Variants in AFG2A observed in about 807,000 individuals in gnomAD.
The protein encoded by AFG2A is AAA ATPase AFG2A.
chr4:122,937,772 A>G, the AFG2A span, among the ~76,000 whole-genome samples: 1 of 152,168 alleles, frequency 6.6e-6, no homozygotes, highest in African/African-American at 2.4e-5. Context: ...TTTGGTTTCA[A>G]ACCTGCTCCA....
the AFG2A span, among the ~76,000 whole-genome samples, chr4:123,051,365 A>G: frequency 6.6e-6 from 1 of 152,042 alleles, no homozygotes; most frequent in East Asian, 1.9e-4. Context: ...TAAGAAACAA[A>G]TGAAAAGAAA....
At chr4:123,093,445 T>C in the AFG2A span, among the ~76,000 whole-genome samples, 5 of 152,322 alleles carry the variant, frequency 3.3e-5, no homozygotes, top group South Asian at 4.1e-4. Context: ...ATGGTTCTGG[T>C]GGCAGTGTCT....
chr4:123,043,313 G>C, the AFG2A span, among the ~76,000 whole-genome samples: 1 of 152,030 alleles, frequency 6.6e-6, no homozygotes, highest in Non-Finnish European at 1.5e-5. Flanking sequence ...TTAGTAATTT[G>C]ATAATGATGC....
chr4:123,253,626 G>A, the AFG2A span, among the ~76,000 whole-genome samples: 3 of 152,056 alleles, frequency 2.0e-5, no homozygotes, highest in Non-Finnish European at 4.4e-5. Flanking sequence ...CTCTAGCCTG[G>A]GTGACAGAGT....
the AFG2A span, among the ~76,000 whole-genome samples, chr4:123,292,395 A>G: frequency 8.7e-4 from 132 of 152,186 alleles, no homozygotes; most frequent in Non-Finnish European, 1.7e-3. Context: ...GTTTGGATCT[A>G]TTGCTGGGAG....
At chr4:123,136,786 G>A in the AFG2A span, among the ~76,000 whole-genome samples, 3 of 150,898 alleles carry the variant, frequency 2.0e-5, no homozygotes, top group African/African-American at 7.3e-5. Context: ...AGGTTGCAGT[G>A]AGCCGAGATC....
chr4:123,290,633 G>C, the AFG2A span, among the ~76,000 whole-genome samples: 1 of 152,206 alleles, frequency 6.6e-6, no homozygotes, highest in East Asian at 1.9e-4. Flanking sequence ...TGGAAGGCAA[G>C]GAGGAGCAAT....
At chr4:123,072,760 G>C in the AFG2A span, among the ~76,000 whole-genome samples, 163 of 151,708 alleles carry the variant, frequency 1.1e-3, no homozygotes, top group African/African-American at 3.7e-3. Context: ...GTCTAACATG[G>C]ATTTCTTTAG....
the AFG2A span, among the ~76,000 whole-genome samples, chr4:123,207,128 C>G: frequency 6.6e-6 from 1 of 152,064 alleles, no homozygotes; most frequent in African/African-American, 2.4e-5. Context: ...GATGGTTAGG[C>G]ATTCTAGAGA....
the AFG2A span, among the ~76,000 whole-genome samples, chr4:123,053,822 G>A: frequency 6.6e-6 from 1 of 152,172 alleles, no homozygotes; most frequent in East Asian, 1.9e-4. Context: ...AGCACAGATA[G>A]GATAGTTCCT....
the AFG2A span, among the ~76,000 whole-genome samples, chr4:123,118,353 T>TTATATATATTA: frequency 7.7e-6 from 1 of 129,856 alleles, no homozygotes; most frequent in Non-Finnish European, 1.6e-5. Context: ...ATTATATATA[T>TTATATATATTA]TATATATATA....
chr4:123,298,602 C>G, the AFG2A span, among the ~76,000 whole-genome samples: 1 of 152,294 alleles, frequency 6.6e-6, no homozygotes, highest in East Asian at 1.9e-4. Context: ...CAGAGACATT[C>G]ACAGATAGTG....
chr4:122,966,988 C>T, the AFG2A span, among the ~76,000 whole-genome samples: 1 of 152,128 alleles, frequency 6.6e-6, no homozygotes, highest in Non-Finnish European at 1.5e-5. Context: ...ATGAATATAT[C>T]TTCTCAGTGG....
the AFG2A span, among the ~76,000 whole-genome samples, chr4:123,135,159 A>T: frequency 6.6e-6 from 1 of 152,208 alleles, no homozygotes; most frequent in South Asian, 2.1e-4. Flanking sequence ...GACAAAAACT[A>T]CATGATCATT....
At chr4:122,956,500 G>T in the AFG2A span, among the ~76,000 whole-genome samples, 1 of 150,344 alleles carries the variant, frequency 6.7e-6, no homozygotes, top group Non-Finnish European at 1.5e-5. Context: ...TTTAGCGTAT[G>T]ATACTAAGGA....
chr4:123,106,493 A>G, the AFG2A span, among the ~76,000 whole-genome samples: 1 of 151,590 alleles, frequency 6.6e-6, no homozygotes, highest in African/African-American at 2.4e-5. Context: ...TATGTGGGGT[A>G]TACCCAAACC....
the AFG2A span, among the ~76,000 whole-genome samples, chr4:123,001,136 G>A: frequency 6.9e-6 from 1 of 145,538 alleles, no homozygotes; most frequent in African/African-American, 2.5e-5. Flanking sequence ...TATTTCTGTG[G>A]GATCGGTGCT....
the AFG2A span, chr4:123,090,716 A>T: frequency 2.8e-4 from 444 of 1,609,838 alleles, no homozygotes; most frequent in Non-Finnish European, 3.7e-4. Flanking sequence ...GTAAGAGAGA[A>T]GGCATTGTGG....
chr4:123,033,680 C>A, the AFG2A span, among the ~76,000 whole-genome samples: 1 of 152,054 alleles, frequency 6.6e-6, no homozygotes, highest in African/African-American at 2.4e-5. Context: ...TAATTTGTGC[C>A]CTTGATATTG....
Sources: allele counts gnomAD v4.1 joint callset (sites outside exome capture counted in the v4.1 genomes callset), GRCh38; gene constraint gnomAD v4.1.1; transcripts MANE v1.5; gene names NCBI Gene and HGNC (gene_info 2026-07-23, HGNC 2026-07-21).